UTY: variants seen among roughly 807,000 people sequenced by gnomAD.
The protein encoded by UTY is histone demethylase UTY.
Under a neutral mutation model 32.5 loss-of-function variants are expected in UTY, and 12 were observed. That is an observed-to-expected ratio of 0.37 (90% CI 0.24 to 0.60). UTY has a LOEUF of 0.60. UTY is among the 20% of genes least tolerant of loss of function. The probability of loss-of-function intolerance (pLI) is 0.69; values close to 1 mark genes in which losing one functional copy is unlikely to be tolerated. For missense variants in UTY, 303 were observed against 299.2 expected (o/e 1.01, Z -0.09); for synonymous variants, 131 against 103.4 (o/e 1.27, Z -1.62).
chrY:13,405,023 A>G, intron 6 of UTY, among the ~76,000 whole-genome samples: 1 of 33,257 alleles, frequency 3.0e-5, no homozygotes, highest in Admixed American at 2.8e-4. Flanking sequence ...GTGTTCATCA[A>G]TGATTGAATA....
intron 27 of UTY, among the ~76,000 whole-genome samples, chrY:13,268,352 C>T: frequency 6.0e-5 from 2 of 33,445 alleles, no homozygotes; most frequent in Admixed American, 5.4e-4. Context: ...ACGAAGTTCC[C>T]GTGCTGTGTT....
At chrY:13,439,587 A>G in intron 4 of UTY, among the ~76,000 whole-genome samples, 2 of 33,342 alleles carry the variant, frequency 6.0e-5, no homozygotes, top group East Asian at 1.6e-3. Context: ...GCAACTGTTT[A>G]AAAAGTTCTG....
intron 8 of UTY, among the ~76,000 whole-genome samples, chrY:13,383,596 A>G (rs2149441762): frequency 3.2e-5 from 1 of 31,381 alleles, no homozygotes; most frequent in East Asian, 8.1e-4. Context: ...AAAAAAAAAA[A>G]GGACTGAAAA....
At chrY:13,335,050 G>A in intron 18 of UTY, among the ~76,000 whole-genome samples, 1 of 33,289 alleles carries the variant, frequency 3.0e-5, no homozygotes, top group Non-Finnish European at 7.4e-5. Context: ...AGACACGGAT[G>A]AAGCCTGAAG....
intron 4 of UTY, among the ~76,000 whole-genome samples, 153 bp from the exon 5 acceptor site, chrY:13,414,946 T>C (rs747359434): frequency 3.1e-5 from 1 of 32,195 alleles, no homozygotes; most frequent in Admixed American, 2.8e-4. Flanking sequence ...TCAAGTTCTC[T>C]CCATTTTGAA....
chrY:13,324,758 T>C, intron 19 of UTY, 52 bp from the exon 20 acceptor site: 1 of 286,789 alleles, frequency 3.5e-6, no homozygotes, highest in Non-Finnish European at 5.2e-6. Flanking sequence ...AAAATATACC[T>C]CAGATTTGTG....
intron 3 of UTY, among the ~76,000 whole-genome samples, chrY:13,468,447 G>A (rs2078119765): frequency 3.1e-5 from 1 of 32,401 alleles, no homozygotes; most frequent in African/African-American, 1.2e-4. Flanking sequence ...AGGCTGAGGC[G>A]GGCGGATCAA....
In UTY at chrY:13,396,919, T is replaced by A; in HGVS notation, c.609A>T (p.Glu203Asp). The change falls in exon 7 of 30, where the codon GAA becomes GAT. Residue 203 changes from glutamate (E) to aspartate (D), a missense_variant and splice_region_variant. By Grantham distance (45) the Glu-to-Asp change is conservative (BLOSUM62 2). Coordinates refer to ENST00000545955, the MANE Select transcript of UTY (RefSeq NM_001258249.2). ...AGTATTTCATTTAAAAATACTTACT[T>A]TCAGCATTGGACAAAGTACATGGAT... ...DCNPCTLSNA[E>D]IQFHIAHLYE... is the part of the protein sequence containing the mutation. The A allele has an allele frequency of 2.8e-6, 1 of 357,099 alleles. No homozygotes were observed. The highest frequency in any genetic ancestry group is 3.6e-5 in the South Asian group (1 of 27,933). The allele number at this position is 357,099 out of a possible 400,897, so 89.1% of individuals were successfully genotyped here.
In UTY at chrY:13,305,419, AC is replaced by A; in HGVS notation, c.3544del (p.Val1182PhefsTer20). 1 of 394,586 alleles carries A rather than the reference AC, an allele frequency of 2.5e-6. No individual in the cohort carries two copies. The highest frequency in any genetic ancestry group is 9.3e-5 in the East Asian group (1 of 10,738). On this transcript the variant is annotated frameshift_variant, in exon 24 of 30. Transcript: ENST00000545955. LOFTEE classifies it high-confidence loss of function. ...GMNTVQLYMK[V>X]PGSRTPGHQE... ...ATCACCTGGTGTCCGACTCCCTGGA[AC>A]TTTCATATACAGTTGTACTGTATTC...
At chrY:13,303,134 T>C in intron 24 of UTY, 143 bp from the exon 25 acceptor site, 1 of 112,938 alleles carries the variant, frequency 8.9e-6, no homozygotes, top group Non-Finnish European at 1.7e-5. Context: ...GCAATACATA[T>C]TAGCTATAGT....
At chrY:13,453,799 T>C (rs2076509551) in intron 3 of UTY, among the ~76,000 whole-genome samples, 1 of 33,322 alleles carries the variant, frequency 3.0e-5, no homozygotes, top group Non-Finnish European at 7.4e-5. Flanking sequence ...GGCAAAAAAC[T>C]GGAAGTCTCC....
chrY:13,396,890 C>T, intron 7 of UTY, 28 bp downstream of exon 7: 1 of 302,258 alleles, frequency 3.3e-6, no homozygotes, highest in Non-Finnish European at 4.7e-6. Context: ...ATTCTTTACT[C>T]AAAAGTATTT....
At chrY:13,460,366 C>A (rs953495482) in intron 3 of UTY, among the ~76,000 whole-genome samples, 1 of 33,428 alleles carries the variant, frequency 3.0e-5, no homozygotes, top group Non-Finnish European at 7.4e-5. Flanking sequence ...GGTGCCATGT[C>A]ATTTTTTCTT....
intron 8 of UTY, among the ~76,000 whole-genome samples, chrY:13,370,462 TTC>T (rs2064788461): frequency 6.0e-5 from 2 of 33,536 alleles, no homozygotes; most frequent in Non-Finnish European, 1.5e-4. Context: ...TTTTCTCTCT[TTC>T]TCTTTCTCTC....
At chrY:13,430,381 A>G (rs2073862804) in intron 4 of UTY, among the ~76,000 whole-genome samples, 2 of 33,693 alleles carry the variant, frequency 5.9e-5, no homozygotes. Context: ...TATTGATTCA[A>G]TCTTGCTACT....
chrY:13,436,967 GACACACACACACACAC>G (rs774903488), intron 4 of UTY, among the ~76,000 whole-genome samples: 1 of 24,119 alleles, frequency 4.1e-5, no homozygotes, highest in African/African-American at 1.6e-4. Flanking sequence ...AAGCAAAAGA[GACACACACACACACAC>G]ACACACACAC....
intron 27 of UTY, among the ~76,000 whole-genome samples, chrY:13,285,260 T>G: frequency 3.0e-5 from 1 of 33,364 alleles, no homozygotes; most frequent in Non-Finnish European, 7.4e-5. Flanking sequence ...GTGGCACTTG[T>G]GCATTAGTCC....
chrY:13,341,850 T>C, intron 17 of UTY, among the ~76,000 whole-genome samples: 1 of 33,099 alleles, frequency 3.0e-5, no homozygotes, highest in Non-Finnish European at 7.4e-5. Flanking sequence ...AAAAGATGTG[T>C]GACTGGAGGA....
Position 13,294,242 on chromosome Y carries a change from G to A in UTY, c.4010+3465C>T, listed in dbSNP as rs761848893. Among the ~76,000 whole-genome samples, 5 of 33,162 alleles carry A rather than the reference G, an allele frequency of 1.5e-4. No homozygotes were observed. The East Asian group carries it at 3.9e-3, about 26-fold the overall frequency. 89.0% of individuals were successfully genotyped at this position (33,162 alleles called of 37,273 possible). On this transcript the variant is annotated intron_variant, in intron 27 of 29. Coordinates refer to ENST00000545955, the MANE Select transcript of UTY (RefSeq NM_001258249.2). Reference sequence around the variant, plus strand: ...AAAGGTATAGCAATAAAAACAACAGGGTACTGGCATAAACACAGATATACA... The same window carrying A: ...AAAGGTATAGCAATAAAAACAACAGAGTACTGGCATAAACACAGATATACA...
Sources: allele counts gnomAD v4.1 joint callset (sites outside exome capture counted in the v4.1 genomes callset), GRCh38; gene constraint gnomAD v4.1.1; transcripts MANE v1.5; gene names NCBI Gene and HGNC (gene_info 2026-07-23, HGNC 2026-07-21).